The following NWD2 variants were observed in gnomAD, a reference collection of about 807,000 sequenced individuals.
NWD2 encodes the protein NACHT and WD repeat domain containing 2, also known as NACHT and WD repeat domain-containing protein 2.
NWD2 carries 37 observed loss-of-function variants against 132.7 expected under a neutral mutation model. That is an observed-to-expected ratio of 0.28 (90% CI 0.21 to 0.37). The LOEUF is 0.37. NWD2 is among the 10% of genes least tolerant of loss of function. The pLI is 1.00. For missense variants in NWD2, 1,592 were observed against 2,122.4 expected (o/e 0.75, Z 4.91); for synonymous variants, 705 against 803.0 (o/e 0.88, Z 2.06).
At position 37,446,871 on chromosome 4, in the gene NWD2, A is replaced by C. The variant is rs1372495496; in HGVS notation, c.4883A>C (p.His1628Pro). ...TPTFLALSQR[H>P]LNIIVGFDDG... ...ACTTTCCTTGCACTCTCCCAGAGGCACCTGAACATCATTGTGGGCTTTGAT... is the reference window on the plus strand; with the variant it reads ...ACTTTCCTTGCACTCTCCCAGAGGCCCCTGAACATCATTGTGGGCTTTGAT... Residue 1628 changes from histidine (H) to proline (P), a missense_variant, in exon 7 of 7, where the codon CAC becomes CCC. Coordinates refer to ENST00000309447, the MANE Select transcript of NWD2 (RefSeq NM_001144990.2). The surrounding 1 kb of genome is among the most constrained non-coding windows in gnomAD (Gnocchi z 6.7). 1.3e-6 allele frequency: 2 copies of C among 1,551,774 alleles called. No homozygotes were observed. Among genetic ancestry groups the C allele is most frequent in the Non-Finnish European group, 1.7e-6 (2 of 1,146,990 alleles).
intron 2 of NWD2, among the ~76,000 whole-genome samples, chr4:37,347,489 A>T (rs911080016): frequency 1.3e-5 from 2 of 152,160 alleles, no homozygotes; most frequent in East Asian, 3.8e-4. Context: ...AATTTATACC[A>T]ATTTAATTTA....
In NWD2 at chr4:37,329,596, CA is replaced by C. The variant is rs1225118030; in HGVS notation, c.240+3573del. Among the ~76,000 whole-genome samples the C allele has an allele frequency of 5.3e-5, 8 of 150,096 alleles. No individual in the cohort carries two copies. In the East Asian group the frequency reaches 1.6e-3, roughly 30 times the overall value. On this transcript the variant is annotated intron_variant, in intron 2 of 6. Coordinates refer to ENST00000309447, the MANE Select transcript of NWD2 (RefSeq NM_001144990.2). ...CACTACCACACTCCAGTCTGGACAACAGAGTGAGACCCTGTCTCAAAAAAAA... is the reference window on the plus strand; with the variant it reads ...CACTACCACACTCCAGTCTGGACAACGAGTGAGACCCTGTCTCAAAAAAAA...
intron 1 of NWD2, among the ~76,000 whole-genome samples, chr4:37,286,850 T>A (rs995382871): frequency 2.6e-5 from 4 of 151,438 alleles, no homozygotes; most frequent in Non-Finnish European, 4.4e-5. Flanking sequence ...TTAATCACAT[T>A]GAAAAAAAAA....
chr4:37,270,222 C>A (rs898208517), intron 1 of NWD2, among the ~76,000 whole-genome samples: 3 of 151,620 alleles, frequency 2.0e-5, no homozygotes, highest in African/African-American at 7.3e-5. Context: ...GTTAACCATG[C>A]TCATATCAGG....
intron 5 of NWD2, among the ~76,000 whole-genome samples, chr4:37,438,434 A>G (rs1326129440): frequency 2.0e-5 from 3 of 152,196 alleles, no homozygotes; most frequent in African/African-American, 4.8e-5. Context: ...TTCCTGGCCC[A>G]GATGGGTCCC....
chr4:37,443,531 G>A lies in NWD2; in HGVS notation c.1543G>A (p.Ala515Thr). The A allele has an allele frequency of 6.4e-7, 1 of 1,551,762 alleles. No homozygotes were observed. The highest frequency in any genetic ancestry group is 2.4e-5 in the East Asian group (1 of 40,922). The change falls in exon 7 of 7, where the codon GCA (alanine) becomes ACA (threonine). Residue 515 changes from alanine to threonine, a missense_variant. Ala to Thr is a moderately conservative substitution (Grantham distance 58). Coordinates refer to ENST00000309447, the MANE Select transcript of NWD2 (RefSeq NM_001144990.2). The surrounding 1 kb of genome is among the most constrained non-coding windows in gnomAD (Gnocchi z 4.1). The stretch of plus-strand genomic sequence containing the variant: ...GAGACCTCTAGTCATAATATTCGAT[G>A]CACTAGAGCAGCTCTCAGAGAATGA... ...LQRPLVIIFD[A>T]LEQLSENDDA...
chr4:37,253,322 A>C (rs545123376), intron 1 of NWD2, among the ~76,000 whole-genome samples: 1 of 152,316 alleles, frequency 6.6e-6, no homozygotes, highest in African/African-American at 2.4e-5. Flanking sequence ...GCATCCTAAT[A>C]CTAAATAGCA....
chr4:37,287,302 G>T (rs1404385180), intron 1 of NWD2, among the ~76,000 whole-genome samples: 1 of 152,244 alleles, frequency 6.6e-6, no homozygotes, highest in East Asian at 1.9e-4. Flanking sequence ...CAGCACCACA[G>T]CTGTAGCTGC....
chr4:37,445,623 T>C lies in NWD2; in HGVS notation c.3635T>C (p.Ile1212Thr). ...SAVLICKALS[I>T]ELLDTGLWKV... ...GTTCTGATCTGTAAAGCCCTCAGCA[T>C]TGAGCTCTTAGATACTGGTCTGTGG... Residue 1212 changes from isoleucine to threonine, a missense_variant, in exon 7 of 7, where the codon ATT (isoleucine) becomes ACT (threonine). By Grantham distance (89) the Ile-to-Thr change is moderately conservative (BLOSUM62 -1). Coordinates refer to ENST00000309447, the MANE Select transcript of NWD2 (RefSeq NM_001144990.2). The surrounding 1 kb of genome is among the most constrained non-coding windows in gnomAD (Gnocchi z 4.7). 6.4e-7 allele frequency: 1 copy of C among 1,552,324 alleles called. No homozygotes were observed. Among genetic ancestry groups the C allele is most frequent in the Non-Finnish European group, 8.7e-7 (1 of 1,147,142 alleles).
At chr4:37,357,394 A>G (rs1719893207) in intron 3 of NWD2, among the ~76,000 whole-genome samples, 1 of 152,240 alleles carries the variant, frequency 6.6e-6, no homozygotes, top group South Asian at 2.1e-4. Context: ...GAAGACCTAC[A>G]GAGATGATAT....
intron 4 of NWD2, among the ~76,000 whole-genome samples, chr4:37,432,210 T>C (rs1477706168): frequency 1.3e-5 from 2 of 152,150 alleles, no homozygotes; most frequent in Non-Finnish European, 2.9e-5. Context: ...TTCAGCCATC[T>C]CAATCTGTCC....
chr4:37,307,793 G>A (rs552309187), intron 1 of NWD2, among the ~76,000 whole-genome samples: 5 of 151,758 alleles, frequency 3.3e-5, no homozygotes, highest in Non-Finnish European at 5.9e-5. Flanking sequence ...TGTAAGTCTC[G>A]TAGGCTTTCT....
intron 1 of NWD2, among the ~76,000 whole-genome samples, chr4:37,286,380 T>A (rs1718230710): frequency 6.6e-6 from 1 of 152,206 alleles, no homozygotes; most frequent in Non-Finnish European, 1.5e-5. Flanking sequence ...AGTAATATAT[T>A]AACTCTTTCT....
intron 5 of NWD2, among the ~76,000 whole-genome samples, chr4:37,438,208 C>T (rs1347206385): frequency 6.6e-6 from 1 of 151,706 alleles, no homozygotes. Context: ...TTGCAGTGAG[C>T]CGAGATTGCG....
intron 1 of NWD2, 25 bp downstream of exon 1, chr4:37,245,243 C>T (rs1486071988): frequency 3.3e-6 from 5 of 1,516,108 alleles, no homozygotes; most frequent in South Asian, 1.2e-5. Context: ...CGGGTTTGCC[C>T]GTCCGTCCTT....
intron 3 of NWD2, among the ~76,000 whole-genome samples, chr4:37,421,762 A>G (rs538485095): frequency 5.9e-5 from 9 of 152,330 alleles, no homozygotes; most frequent in African/African-American, 1.9e-4. Flanking sequence ...ACAAAATCAC[A>G]TTCATTTTAT....
intron 3 of NWD2, among the ~76,000 whole-genome samples, chr4:37,416,806 G>A (rs1303437376): frequency 2.0e-5 from 3 of 152,144 alleles, no homozygotes; most frequent in Admixed American, 6.6e-5. Context: ...GCAGCAACCC[G>A]GGTGGAATTG....
intron 3 of NWD2, among the ~76,000 whole-genome samples, chr4:37,368,891 A>G (rs976784839): frequency 6.6e-6 from 1 of 152,226 alleles, no homozygotes; most frequent in African/African-American, 2.4e-5. Flanking sequence ...TGAGTTCAAG[A>G]GGCTAGAAAC....
At chr4:37,287,303 C>G (rs903595625) in intron 1 of NWD2, among the ~76,000 whole-genome samples, 1 of 152,224 alleles carries the variant, frequency 6.6e-6, no homozygotes, top group Non-Finnish European at 1.5e-5. Flanking sequence ...AGCACCACAG[C>G]TGTAGCTGCC....
Sources: gnomAD v4.1 joint callset for allele counts (sites outside exome capture counted in the v4.1 genomes callset) on GRCh38, gnomAD v4.1.1 for gene constraint, Gnocchi (gnomAD v3.1) non-coding constraint, MANE v1.5 for transcripts, NCBI Gene and HGNC (gene_info 2026-07-23, HGNC 2026-07-21) for gene names.